Variants in TMEM170B observed in about 807,000 individuals in gnomAD.
TMEM170B encodes transmembrane protein 170B.
In TMEM170B, 6 loss-of-function variants were observed where a neutral mutation model predicts 13.0. That is an observed-to-expected ratio of 0.46 (90% confidence interval 0.25 to 0.91). The LOEUF (loss-of-function observed/expected upper bound fraction) is 0.91, where lower values mean the gene tolerates loss of function less well. Among genes scored for constraint, TMEM170B ranks in the 40% least tolerant of loss-of-function variants. The pLI, the probability that TMEM170B is intolerant of heterozygous loss-of-function variation, is 0.17. For missense variants in TMEM170B, 138 were observed against 165.2 expected (o/e 0.84, Z 0.90); for synonymous variants, 61 against 64.9 (o/e 0.94, Z 0.29).
Position 11,575,660 on chromosome 6 carries a change from G to A in TMEM170B, c.*99G>A. 7 of 1,463,258 alleles carry A rather than the reference G, an allele frequency of 4.8e-6. No homozygotes were observed. Among genetic ancestry groups the A allele is most frequent in the Non-Finnish European group, 6.6e-6 (7 of 1,058,302 alleles). 90.6% of individuals were successfully genotyped at this position (1,463,258 alleles called of 1,614,324 possible). A position where few individuals can be genotyped will look rare whatever the true frequency, so the allele number is the denominator to read the frequency against. On this transcript the variant is annotated 3_prime_UTR_variant, in exon 3 of 3. Transcript: ENST00000379426. This position sits in a 1 kb window ranked among gnomAD's most constrained non-coding sequence, Gnocchi z 4.1. Reference sequence around the variant, plus strand: ...AGTGGAAATGAAATTGTGCAAGAATGTGGACTGAGCAGGTCAAAGCATAAG... The same window carrying A: ...AGTGGAAATGAAATTGTGCAAGAATATGGACTGAGCAGGTCAAAGCATAAG...
Position 11,575,582 on chromosome 6 carries a change from AC to A in TMEM170B, c.*22del. On this transcript the variant is annotated 3_prime_UTR_variant, in exon 3 of 3. Coordinates refer to ENST00000379426, the MANE Select transcript of TMEM170B (RefSeq NM_001100829.3). The surrounding 1 kb of genome is among the most constrained non-coding windows in gnomAD (Gnocchi z 4.1). ...TTTGAGGTTTCTGTGGGAATGTCTT[AC>A]TTCACATAAGGAAACAGATGTACAG... The A allele has an allele frequency of 6.2e-7, 1 of 1,611,638 alleles. No individual in the cohort carries two copies. The highest frequency in any genetic ancestry group is 8.5e-7 in the Non-Finnish European group (1 of 1,178,638).
chr6:11,546,455 T>G (rs911119563), intron 1 of TMEM170B, among the ~76,000 whole-genome samples: 2 of 152,208 alleles, frequency 1.3e-5, no homozygotes, highest in African/African-American at 4.8e-5. Flanking sequence ...ATAAATTTAG[T>G]GTAGCCTGTG....
chr6:11,546,173 A>C (rs1329994540), intron 1 of TMEM170B, among the ~76,000 whole-genome samples: 1 of 152,118 alleles, frequency 6.6e-6, no homozygotes, highest in African/African-American at 2.4e-5. Context: ...GAGGTGGAAG[A>C]CAGTGATATT....
intron 1 of TMEM170B, 85 bp from the exon 2 acceptor site, chr6:11,565,581 C>A: frequency 2.7e-6 from 4 of 1,473,538 alleles, no homozygotes; most frequent in African/African-American, 1.4e-5. Context: ...TTTAACCTCC[C>A]AAACCATAGG....
intron 2 of TMEM170B, among the ~76,000 whole-genome samples, chr6:11,567,405 C>G (rs527769440): frequency 2.6e-5 from 4 of 152,216 alleles, no homozygotes; most frequent in Non-Finnish European, 5.9e-5. Flanking sequence ...TTCTTCCTTT[C>G]TAGTTGATTC....
intron 2 of TMEM170B, among the ~76,000 whole-genome samples, chr6:11,574,041 A>T (rs1203154278): frequency 6.6e-6 from 1 of 152,160 alleles, no homozygotes; most frequent in Non-Finnish European, 1.5e-5. Flanking sequence ...TATAAATATG[A>T]AGTGATAGAA....
intron 1 of TMEM170B, among the ~76,000 whole-genome samples, chr6:11,557,422 G>A (rs192031697): frequency 2.0e-5 from 3 of 152,046 alleles, no homozygotes; most frequent in African/African-American, 4.8e-5. Context: ...CCTAGGTGAT[G>A]GGTTGTTGGG....
intron 1 of TMEM170B, among the ~76,000 whole-genome samples, chr6:11,542,582 A>G (rs1218379812): frequency 6.6e-6 from 1 of 152,222 alleles, no homozygotes; most frequent in Non-Finnish European, 1.5e-5. Flanking sequence ...ATAAAAATGC[A>G]GAAAGAAACA....
intron 1 of TMEM170B, among the ~76,000 whole-genome samples, chr6:11,563,074 C>T (rs1380874271): frequency 5.9e-5 from 9 of 152,136 alleles, no homozygotes; most frequent in South Asian, 2.1e-4. Context: ...CAGTGGCTCA[C>T]GCCTGTAATC....
chr6:11,549,809 A>G (rs1481231201), intron 1 of TMEM170B, among the ~76,000 whole-genome samples: 1 of 152,200 alleles, frequency 6.6e-6, no homozygotes, highest in Non-Finnish European at 1.5e-5. Flanking sequence ...ACTGGAGTCC[A>G]GTTGCTTGTG....
rs1488826574 is a variant in TMEM170B at position 11,577,960 on chromosome 6, T to C, written c.*2399T>C. ...TGAATTGTCTTAATAGCTATTTATA[T>C]GCTGAAATTTTTAAAAAGTTAGTAG... On this transcript the variant is annotated 3_prime_UTR_variant, in exon 3 of 3. Coordinates refer to ENST00000379426, the MANE Select transcript of TMEM170B (RefSeq NM_001100829.3). 1 of 152,164 alleles carries C rather than the reference T, an allele frequency of 6.6e-6. No individual in the cohort carries two copies. The highest frequency in any genetic ancestry group is 1.5e-5 in the Non-Finnish European group (1 of 67,992). The allele number at this position is 152,164 out of a possible 1,614,324, so 9.4% of individuals were successfully genotyped here.
chr6:11,571,420 C>T (rs1056194524), intron 2 of TMEM170B, among the ~76,000 whole-genome samples: 1 of 152,114 alleles, frequency 6.6e-6, no homozygotes, highest in African/African-American at 2.4e-5. Flanking sequence ...TGTTGTGTAT[C>T]AGTGTTTTCT....
intron 1 of TMEM170B, among the ~76,000 whole-genome samples, chr6:11,545,311 T>TGTGTGTGTG (rs71550774): frequency 3.3e-5 from 5 of 151,318 alleles, no homozygotes; most frequent in Admixed American, 6.6e-5. Flanking sequence ...TGTGTGTGTG[T>TGTGTGTGTG]AGTACTAGTA....
At position 11,575,944 on chromosome 6, in the gene TMEM170B, A is replaced by G. The variant is rs896973902; in HGVS notation, c.*383A>G. Reference sequence around the variant, plus strand: ...AACTCTTTTCTTTTTGTTAACATTGATCATGTGACAATTTGCAAGTGTAGA... The same window carrying G: ...AACTCTTTTCTTTTTGTTAACATTGGTCATGTGACAATTTGCAAGTGTAGA... On this transcript the variant is annotated 3_prime_UTR_variant, in exon 3 of 3. Coordinates refer to ENST00000379426, the MANE Select transcript of TMEM170B (RefSeq NM_001100829.3). This position sits in a 1 kb window ranked among gnomAD's most constrained non-coding sequence, Gnocchi z 4.1. The G allele has an allele frequency of 6.9e-5, 11 of 160,450 alleles. No individual in the cohort carries two copies. In the South Asian group the frequency reaches 1.6e-3, roughly 23 times the overall value. The allele number at this position is 160,450 out of a possible 1,614,324, so 9.9% of individuals were successfully genotyped here.
chr6:11,542,685 A>T (rs544933674), intron 1 of TMEM170B, among the ~76,000 whole-genome samples: 34 of 152,282 alleles, frequency 2.2e-4, no homozygotes, highest in South Asian at 1.4e-3. Flanking sequence ...TAATATTCTG[A>T]TGGGATTCAT....
chr6:11,574,163 T>A (rs1483601601), intron 2 of TMEM170B, among the ~76,000 whole-genome samples: 1 of 152,178 alleles, frequency 6.6e-6, no homozygotes, highest in Non-Finnish European at 1.5e-5. Context: ...GTTTTTTTCA[T>A]CTTTAAATTA....
At chr6:11,561,966 G>A (rs1759670560) in intron 1 of TMEM170B, among the ~76,000 whole-genome samples, 1 of 152,086 alleles carries the variant, frequency 6.6e-6, no homozygotes, top group Admixed American at 6.5e-5. Context: ...TTTTTATAAT[G>A]TCAGATAATT....
chr6:11,557,645 C>T (rs1759608331), intron 1 of TMEM170B, among the ~76,000 whole-genome samples: 2 of 152,200 alleles, frequency 1.3e-5, no homozygotes, highest in East Asian at 3.8e-4. Flanking sequence ...GCTTGCTTCT[C>T]ACCAGTGTTT....
chr6:11,564,820 C>T (rs943513434), intron 1 of TMEM170B, among the ~76,000 whole-genome samples: 4 of 152,202 alleles, frequency 2.6e-5, no homozygotes, highest in African/African-American at 9.7e-5. Context: ...CAAGGACACT[C>T]AGTTGGTCCC....
Sources: allele counts gnomAD v4.1 joint callset (sites outside exome capture counted in the v4.1 genomes callset), GRCh38; gene constraint gnomAD v4.1.1; non-coding constraint Gnocchi (gnomAD v3.1); transcripts MANE v1.5; gene names NCBI Gene and HGNC (gene_info 2026-07-23, HGNC 2026-07-21).